The following GPC6 variants were observed in gnomAD, a reference collection of about 807,000 sequenced individuals.
GPC6 encodes the protein glypican-6.
A neutral mutation model predicts 55.2 loss-of-function variants in GPC6; 14 were observed. The observed-to-expected ratio is 0.25, with a 90% CI of 0.17 to 0.40. GPC6 has a LOEUF of 0.40. Among genes scored for constraint, GPC6 ranks in the 10% least tolerant of loss-of-function variants. The pLI is 1.00. For missense variants in GPC6, 641 were observed against 708.5 expected (o/e 0.90, Z 1.08); for synonymous variants, 278 against 259.6 (o/e 1.07, Z -0.68).
rs558949384 is a variant in GPC6, at chr13:93,882,961, C to T, written c.711+52416C>T. On this transcript the variant is annotated intron_variant, in intron 3 of 8. Transcript: ENST00000377047. ...CTAAGAAACGTCCCTTGTATTATTA[C>T]GTCAATCTTACCAGAGGTTTTTAAT... Among the ~76,000 whole-genome samples, 57 of 152,062 alleles carry T rather than the reference C, an allele frequency of 3.7e-4. 1 individual carries two copies. The South Asian group carries it at 6.2e-3, about 17-fold the overall frequency.
At chr13:94,297,339 A>G (rs1305646740) in intron 5 of GPC6, among the ~76,000 whole-genome samples, 1 of 152,146 alleles carries the variant, frequency 6.6e-6, no homozygotes, top group Non-Finnish European at 1.5e-5. Flanking sequence ...TGTAAATTAC[A>G]TGCTTACTTA....
At chr13:93,971,427 A>G (rs1880279439) in intron 3 of GPC6, among the ~76,000 whole-genome samples, 1 of 152,218 alleles carries the variant, frequency 6.6e-6, no homozygotes, top group Non-Finnish European at 1.5e-5. Context: ...TAAATTGAAA[A>G]TAAAATTTTG....
At chr13:93,865,092 A>C (rs575379738) in intron 3 of GPC6, among the ~76,000 whole-genome samples, 4 of 151,796 alleles carry the variant, frequency 2.6e-5, no homozygotes, top group Admixed American at 2.6e-4. Flanking sequence ...ACCATAAAAA[A>C]ACTAAAATCA....
At chr13:94,276,078 G>A (rs1343282021) in intron 4 of GPC6, among the ~76,000 whole-genome samples, 9 of 152,180 alleles carry the variant, frequency 5.9e-5, no homozygotes, top group Non-Finnish European at 1.3e-4. Flanking sequence ...TCACTTCTAA[G>A]ACTTTATCCA....
intron 4 of GPC6, among the ~76,000 whole-genome samples, chr13:94,115,271 C>T (rs1886396377): frequency 6.6e-6 from 1 of 151,986 alleles, no homozygotes; most frequent in Non-Finnish European, 1.5e-5. Context: ...TTAGCTATCT[C>T]CTTTTTGCAC....
chr13:94,398,674 C>T (rs772634051), intron 8 of GPC6, 33 bp downstream of exon 8: 1 of 1,599,042 alleles, frequency 6.3e-7, no homozygotes, highest in South Asian at 1.1e-5. Context: ...CAGAAATTTT[C>T]AAAGTAAAAA....
intron 4 of GPC6, among the ~76,000 whole-genome samples, chr13:94,043,315 A>G (rs1883608678): frequency 6.6e-6 from 1 of 151,872 alleles, no homozygotes; most frequent in South Asian, 2.1e-4. Context: ...GTGTATGTAT[A>G]CTACTTCATA....
chr13:93,292,638 T>C (rs1215584484), intron 1 of GPC6, among the ~76,000 whole-genome samples: 2 of 152,208 alleles, frequency 1.3e-5, no homozygotes, highest in African/African-American at 4.8e-5. Flanking sequence ...TGTATTGATG[T>C]GTTTGTAATA....
At chr13:93,220,187 TC>T in the GPC6 span, among the ~76,000 whole-genome samples, 5 of 152,334 alleles carry the variant, frequency 3.3e-5, no homozygotes, top group East Asian at 9.6e-4. Flanking sequence ...GAGTAAATGT[TC>T]CATTGACGAA....
At chr13:93,669,070 T>C (rs1184545944) in intron 2 of GPC6, among the ~76,000 whole-genome samples, 1 of 152,190 alleles carries the variant, frequency 6.6e-6, no homozygotes, top group African/African-American at 2.4e-5. Context: ...CAATTCTTAT[T>C]GCCTGAACAA....
At chr13:94,322,243 A>G (rs917042409) in intron 6 of GPC6, among the ~76,000 whole-genome samples, 2 of 152,174 alleles carry the variant, frequency 1.3e-5, no homozygotes, top group African/African-American at 2.4e-5. Flanking sequence ...GCCACCATGT[A>G]AGACATGTCT....
chr13:93,859,974 A>G (rs1888757669), intron 3 of GPC6, among the ~76,000 whole-genome samples: 1 of 151,714 alleles, frequency 6.6e-6, no homozygotes. Context: ...CTGTGCCAGC[A>G]CATCTGGCTG....
chr13:93,796,466 A>G (rs1886200448), intron 2 of GPC6, among the ~76,000 whole-genome samples: 1 of 152,148 alleles, frequency 6.6e-6, no homozygotes. Context: ...TTTACTTTTA[A>G]AGAAATGTGA....
intron 1 of GPC6, among the ~76,000 whole-genome samples, chr13:93,444,787 T>C (rs1293260514): frequency 6.6e-6 from 1 of 152,244 alleles, no homozygotes; most frequent in African/African-American, 2.4e-5. Flanking sequence ...TTATTTCCTT[T>C]TAATCCTTTT....
intron 3 of GPC6, among the ~76,000 whole-genome samples, chr13:93,854,938 C>G (rs1888546840): frequency 6.6e-6 from 1 of 151,506 alleles, no homozygotes; most frequent in Admixed American, 6.6e-5. Context: ...AACCTTTCCC[C>G]TCCTGCCCCT....
chr13:94,063,819 C>T (rs1884420926), intron 4 of GPC6, among the ~76,000 whole-genome samples: 1 of 152,132 alleles, frequency 6.6e-6, no homozygotes, highest in Admixed American at 6.5e-5. Context: ...CTTCACATTT[C>T]AGCATTACAT....
In GPC6 at chr13:93,661,493, C is replaced by T. The variant is rs150766645; in HGVS notation, c.319+116072C>T. Among the ~76,000 whole-genome samples, 71 of 152,174 alleles carry T rather than the reference C, an allele frequency of 4.7e-4. 1 individual carries two copies. Among genetic ancestry groups the T allele is most frequent in the African/African-American group, 1.5e-3 (62 of 41,518 alleles). ...TGCTGGGATTGTGCTCGTGAGCCAC[C>T]GTGCTCTGCCTGTATTACCTTTCTT... On this transcript the variant is annotated intron_variant, in intron 2 of 8. Coordinates refer to ENST00000377047, the MANE Select transcript of GPC6 (RefSeq NM_005708.5).
chr13:94,306,172 G>A, intron 6 of GPC6, 49 bp downstream of exon 6: 1 of 1,607,856 alleles, frequency 6.2e-7, no homozygotes, highest in Admixed American at 1.7e-5. Flanking sequence ...GTTTTACCAA[G>A]GTCATTCTTT....
intron 1 of GPC6, among the ~76,000 whole-genome samples, chr13:93,289,944 A>G (rs1482528871): frequency 1.3e-5 from 2 of 152,200 alleles, no homozygotes; most frequent in Non-Finnish European, 2.9e-5. Context: ...ACATGGACTC[A>G]CAGAGTAAAG....
Sources: gnomAD v4.1 joint callset for allele counts (sites outside exome capture counted in the v4.1 genomes callset) on GRCh38, gnomAD v4.1.1 for gene constraint, MANE v1.5 for transcripts, NCBI Gene and HGNC (gene_info 2026-07-23, HGNC 2026-07-21) for gene names.